The following CCSER2 variants were observed in gnomAD, a reference collection of about 807,000 sequenced individuals.
CCSER2 encodes the protein serine-rich coiled-coil domain-containing protein 2.
In CCSER2, 46 loss-of-function variants were observed where a neutral mutation model predicts 92.3. That is an observed-to-expected ratio of 0.50 (90% CI 0.39 to 0.64). The LOEUF (loss-of-function observed/expected upper bound fraction) is 0.64. Ranked by LOEUF, CCSER2 falls within the 30% of genes least tolerant of loss-of-function variation. The pLI is 0.00. For missense variants in CCSER2, 1,244 were observed against 1,238.9 expected, an observed-to-expected ratio of 1.00 and a Z score of -0.06; for synonymous variants, 433 against 431.4, an observed-to-expected ratio of 1.00 and a Z score of -0.04.
At chr10:84,388,219 C>T (rs1243323840) in intron 3 of CCSER2, among the ~76,000 whole-genome samples, 1 of 152,164 alleles carries the variant, frequency 6.6e-6, no homozygotes, top group African/African-American at 2.4e-5. Flanking sequence ...TTTTATCGTA[C>T]ATCCTGCATC....
intron 1 of CCSER2, among the ~76,000 whole-genome samples, chr10:84,370,465 A>G (rs1846002767): frequency 6.6e-6 from 1 of 152,000 alleles, no homozygotes; most frequent in Non-Finnish European, 1.5e-5. Context: ...GTGTACTTTG[A>G]TTTTGCAACC....
intron 1 of CCSER2, among the ~76,000 whole-genome samples, chr10:84,337,731 T>C (rs1168894663): frequency 3.9e-5 from 6 of 152,196 alleles, no homozygotes; most frequent in African/African-American, 1.4e-4. Flanking sequence ...AGAAGTTTAT[T>C]TTGCCAAGGT....
chr10:84,404,726 T>A (rs1842292469), intron 3 of CCSER2, among the ~76,000 whole-genome samples: 1 of 152,202 alleles, frequency 6.6e-6, no homozygotes, highest in Non-Finnish European at 1.5e-5. Flanking sequence ...AGATACAAAA[T>A]CAATGCACAC....
At chr10:84,354,643 C>G (rs954337933) in intron 1 of CCSER2, among the ~76,000 whole-genome samples, 12 of 147,178 alleles carry the variant, frequency 8.2e-5, no homozygotes, top group Admixed American at 6.2e-4. Flanking sequence ...CAGGTGACCT[C>G]ACTTGTTTTT....
intron 3 of CCSER2, among the ~76,000 whole-genome samples, chr10:84,390,638 A>G (rs1376771180): frequency 1.3e-5 from 2 of 152,218 alleles, no homozygotes; most frequent in African/African-American, 4.8e-5. Flanking sequence ...TTTTATATGC[A>G]GTCAGTCATT....
intron 4 of CCSER2, among the ~76,000 whole-genome samples, chr10:84,420,070 C>A (rs1222592693): frequency 6.6e-6 from 1 of 152,210 alleles, no homozygotes; most frequent in Non-Finnish European, 1.5e-5. Context: ...CTAGGTAATG[C>A]ATTTTACTTT....
At chr10:84,505,145 A>G (rs1848975970) in intron 9 of CCSER2, among the ~76,000 whole-genome samples, 1 of 152,056 alleles carries the variant, frequency 6.6e-6, no homozygotes, top group South Asian at 2.1e-4. Flanking sequence ...ATATACACAC[A>G]TTTTTATATG....
At position 84,433,859 on chromosome 10, in the gene CCSER2, C is replaced by T. The variant is rs1304503741; in HGVS notation, c.1869-4653C>T. On this transcript the variant is annotated intron_variant, in intron 5 of 9. Coordinates refer to ENST00000372088, the MANE Select transcript of CCSER2 (RefSeq NM_001284240.2). ...AGACAGTGGGCTTTCATTCTCATGC[C>T]TTTGAAACCACTGAACTCATTTTTG... is the stretch of plus-strand genomic sequence containing the variant. 3.3e-5 allele frequency among the ~76,000 whole-genome samples: 5 copies of T among 152,082 alleles called. No homozygotes were observed. The South Asian group carries it at 1.0e-3, about 32-fold the overall frequency.
chr10:84,404,793 A>G (rs1436980219), intron 3 of CCSER2, among the ~76,000 whole-genome samples: 3 of 152,250 alleles, frequency 2.0e-5, no homozygotes, highest in East Asian at 3.8e-4. Flanking sequence ...AAATATAACA[A>G]TGTTGTTTAT....
chr10:84,413,160 C>G (rs1297498820), intron 3 of CCSER2, among the ~76,000 whole-genome samples: 2 of 144,606 alleles, frequency 1.4e-5, no homozygotes, highest in Non-Finnish European at 3.0e-5. Context: ...CAGTTCAGCT[C>G]TGATCTTGGT....
chr10:84,392,481 G>A (rs1841582824), intron 3 of CCSER2, among the ~76,000 whole-genome samples: 2 of 151,992 alleles, frequency 1.3e-5, no homozygotes, highest in African/African-American at 4.8e-5. Context: ...CTAAGAATGG[G>A]AGTTACAAAT....
intron 3 of CCSER2, among the ~76,000 whole-genome samples, chr10:84,387,520 T>C (rs952889048): frequency 1.3e-5 from 2 of 152,146 alleles, no homozygotes; most frequent in African/African-American, 4.8e-5. Context: ...ATACCTGCAC[T>C]GAAGTAATTT....
chr10:84,429,245 T>A (rs957524213), intron 5 of CCSER2, among the ~76,000 whole-genome samples: 4 of 152,038 alleles, frequency 2.6e-5, no homozygotes, highest in African/African-American at 4.8e-5. Context: ...TTTTTTGGAT[T>A]GCTAATTTAA....
chr10:84,447,457 T>C (rs573185433), intron 6 of CCSER2, among the ~76,000 whole-genome samples: 1 of 152,370 alleles, frequency 6.6e-6, no homozygotes, highest in South Asian at 2.1e-4. Flanking sequence ...TTGTTAGTTA[T>C]ATGTGTTGCA....
chr10:84,507,167 C>T, intron 9 of CCSER2: 1 of 186,644 alleles, frequency 5.4e-6, no homozygotes, highest in Non-Finnish European at 1.0e-5. Context: ...TAGGAAAACA[C>T]AACAATAGCA....
At chr10:84,391,586 C>G in intron 3 of CCSER2, 1 of 1,511,642 alleles carries the variant, frequency 6.6e-7, no homozygotes, top group Non-Finnish European at 9.2e-7. Context: ...AATCTCCATT[C>G]AAATGGATAT....
At chr10:84,429,574 G>A (rs183055711) in intron 5 of CCSER2, among the ~76,000 whole-genome samples, 2 of 151,946 alleles carry the variant, frequency 1.3e-5, no homozygotes, top group African/African-American at 4.8e-5. Context: ...GTTACTGAGC[G>A]TGTCTTCCAC....
At position 84,514,649 on chromosome 10, in the gene CCSER2, T is replaced by C; in HGVS notation, c.*382T>C. The C allele has an allele frequency of 5.5e-6, 1 of 182,152 alleles. No individual in the cohort carries two copies. The highest frequency in any genetic ancestry group is 1.2e-5 in the Non-Finnish European group (1 of 86,876). The allele number at this position is 182,152 out of a possible 1,614,324, so 11.3% of individuals were successfully genotyped here. A position where few individuals can be genotyped will look rare whatever the true frequency, so the allele number is the denominator to read the frequency against. On this transcript the variant is annotated 3_prime_UTR_variant, in exon 10 of 10. Transcript: ENST00000372088. ...ATTGTGGTTGTCAGAACCTCACCCC[T>C]TTTCACTTGTCTCTCCTGTGAATAT...
At chr10:84,455,200 A>C (rs1486124028) in intron 6 of CCSER2, 1 of 171,010 alleles carries the variant, frequency 5.8e-6, no homozygotes, top group African/African-American at 2.4e-5. Flanking sequence ...TAAGAACAGC[A>C]GTCTTTTTCA....
Sources: allele counts gnomAD v4.1 joint callset (sites outside exome capture counted in the v4.1 genomes callset), GRCh38; gene constraint gnomAD v4.1.1; transcripts MANE v1.5; gene names NCBI Gene and HGNC (gene_info 2026-07-23, HGNC 2026-07-21).